The following SGCZ variants were observed in gnomAD, a reference collection of about 807,000 sequenced individuals.
SGCZ encodes sarcoglycan zeta, also known as zeta-sarcoglycan.
Under a neutral mutation model 41.3 loss-of-function variants are expected in SGCZ, and 40 were observed. The observed-to-expected ratio is 0.97, with a 90% CI of 0.75 to 1.26. The LOEUF (loss-of-function observed/expected upper bound fraction) is 1.26, where lower values mean the gene tolerates loss of function less well. Ranked by LOEUF, SGCZ falls within the 50% of genes most tolerant of loss-of-function variation. SGCZ has a pLI of 0.00. For synonymous variants in SGCZ, 206 were observed against 137.5 expected (o/e 1.50, Z -3.49); for missense variants, 552 against 369.8 (o/e 1.49, Z -4.04).
At position 14,964,921 on chromosome 8, in the gene SGCZ, C is replaced by T. The variant is rs562491468; in HGVS notation, c.39+272664G>A. The stretch of plus-strand genomic sequence containing the variant: ...TTTAGCATCTTTTGAACTGACTGAA[C>T]CTGGTGAACCCTAAGGCCACTCAAC... On this transcript the variant is annotated intron_variant, in intron 1 of 7. Coordinates refer to ENST00000382080, the MANE Select transcript of SGCZ (RefSeq NM_139167.4). Among the ~76,000 whole-genome samples, 8 of 152,204 alleles carry T rather than the reference C, an allele frequency of 5.3e-5. No individual in the cohort carries two copies. The East Asian group carries it at 1.4e-3, about 26-fold the overall frequency.
At chr8:15,223,873 T>C (rs1029774754) in intron 1 of SGCZ, among the ~76,000 whole-genome samples, 4 of 151,924 alleles carry the variant, frequency 2.6e-5, no homozygotes, top group African/African-American at 9.7e-5. Flanking sequence ...TATTTATTTA[T>C]TTATTTATTG....
Position 14,582,526 on chromosome 8 carries a change from C to T in SGCZ, c.40-27600G>A, listed in dbSNP as rs192594298. ...TTCTTTAAATTTATTTTATTATTAT[C>T]ATACTTTAAGTTTAGGGTACATGTG... On this transcript the variant is annotated intron_variant, in intron 1 of 7. Transcript: ENST00000382080. Among the ~76,000 whole-genome samples, 1,133 of 151,926 alleles carry T rather than the reference C, an allele frequency of 7.5e-3. 16 individuals are homozygous for T. The highest frequency in any genetic ancestry group is 0.026 in the African/African-American group (1,076 of 41,434).
At chr8:14,317,448 T>A (rs1339566803) in intron 3 of SGCZ, among the ~76,000 whole-genome samples, 2 of 151,964 alleles carry the variant, frequency 1.3e-5, no homozygotes, top group South Asian at 4.1e-4. Flanking sequence ...ATCTGTCAGA[T>A]GAGCCACAGA....
chr8:14,501,997 T>G (rs1208581589), intron 2 of SGCZ, among the ~76,000 whole-genome samples: 1 of 152,114 alleles, frequency 6.6e-6, no homozygotes, highest in African/African-American at 2.4e-5. Context: ...AGGATTAGTT[T>G]GGGTACAACC....
intron 2 of SGCZ, among the ~76,000 whole-genome samples, chr8:14,521,776 T>C (rs1048118902): frequency 6.6e-6 from 1 of 152,096 alleles, no homozygotes; most frequent in Non-Finnish European, 1.5e-5. Flanking sequence ...CAATACTCCA[T>C]GAATGGTCCA....
At chr8:14,426,551 A>T (rs1484709793) in intron 2 of SGCZ, among the ~76,000 whole-genome samples, 1 of 152,166 alleles carries the variant, frequency 6.6e-6, no homozygotes, top group Non-Finnish European at 1.5e-5. Flanking sequence ...GACGACAGAG[A>T]TGAAAGCGAT....
At chr8:15,194,440 C>T (rs192375089) in intron 1 of SGCZ, among the ~76,000 whole-genome samples, 1 of 152,208 alleles carries the variant, frequency 6.6e-6, no homozygotes, top group Admixed American at 6.5e-5. Flanking sequence ...GCCATGATGC[C>T]TATGTCTTAA....
intron 1 of SGCZ, among the ~76,000 whole-genome samples, chr8:14,796,567 A>G (rs1367810256): frequency 1.3e-5 from 2 of 152,184 alleles, no homozygotes; most frequent in Non-Finnish European, 2.9e-5. Context: ...TTATGACTCA[A>G]TGAAGATAAC....
In SGCZ at chr8:15,004,740, A is replaced by G. The variant is rs899298604; in HGVS notation, c.39+232845T>C. On this transcript the variant is annotated intron_variant, in intron 1 of 7. Transcript: ENST00000382080. ...TGAGGATTCCCACCTTCCCGATAAC[A>G]AAAGTATGTATTATAAGGAAGGAAT... is the stretch of plus-strand genomic sequence containing the variant. 5.9e-5 allele frequency among the ~76,000 whole-genome samples: 9 copies of G among 152,166 alleles called. No homozygotes were observed. In the East Asian group the frequency reaches 1.7e-3, roughly 29 times the overall value.
intron 1 of SGCZ, among the ~76,000 whole-genome samples, chr8:15,216,182 A>T (rs1366937355): frequency 6.6e-6 from 1 of 151,960 alleles, no homozygotes; most frequent in Non-Finnish European, 1.5e-5. Flanking sequence ...TTCAAGAAAA[A>T]AGGATGTTTT....
chr8:15,024,330 G>C (rs1803367239), intron 1 of SGCZ, among the ~76,000 whole-genome samples: 1 of 152,060 alleles, frequency 6.6e-6, no homozygotes, highest in African/African-American at 2.4e-5. Flanking sequence ...ATCTCAATTT[G>C]TTTATAGAAG....
At chr8:14,645,079 G>C (rs529862268) in intron 1 of SGCZ, among the ~76,000 whole-genome samples, 36 of 151,504 alleles carry the variant, frequency 2.4e-4, no homozygotes, top group Non-Finnish European at 4.1e-4. Flanking sequence ...TTTTATATTT[G>C]GCAAGCATCC....
At chr8:14,652,913 T>C (rs558044879) in intron 1 of SGCZ, among the ~76,000 whole-genome samples, 44 of 152,060 alleles carry the variant, frequency 2.9e-4, no homozygotes, top group Non-Finnish European at 2.6e-4. Flanking sequence ...TTATTGTAAA[T>C]TGGAAAATAT....
rs567098713 is a variant in SGCZ, at chr8:14,386,952, G to C, written c.235-62748C>G. Among the ~76,000 whole-genome samples, 26 of 152,292 alleles carry C rather than the reference G, an allele frequency of 1.7e-4. 1 individual carries two copies. In the East Asian group the frequency reaches 4.1e-3, roughly 24 times the overall value. On this transcript the variant is annotated intron_variant, in intron 2 of 7. Coordinates refer to ENST00000382080, the MANE Select transcript of SGCZ (RefSeq NM_139167.4). ...TTAATAATAGAATAAAATGGCGAAG[G>C]CTAGAATTTCATAGAATCTAGTTTT...
intron 1 of SGCZ, among the ~76,000 whole-genome samples, chr8:15,187,459 T>C (rs1223296377): frequency 6.6e-6 from 1 of 152,044 alleles, no homozygotes; most frequent in East Asian, 1.9e-4. Flanking sequence ...AGACAAATGG[T>C]TATAATACGA....
At chr8:14,992,758 C>A (rs1202080224) in intron 1 of SGCZ, among the ~76,000 whole-genome samples, 1 of 129,394 alleles carries the variant, frequency 7.7e-6, no homozygotes, top group Non-Finnish European at 1.6e-5. Flanking sequence ...TGATATTTAC[C>A]CCTCCCCCAT....
chr8:15,057,745 C>T (rs1292406888), intron 1 of SGCZ, among the ~76,000 whole-genome samples: 1 of 152,140 alleles, frequency 6.6e-6, no homozygotes, highest in Non-Finnish European at 1.5e-5. Context: ...GCTGTGCTCC[C>T]TGGGCCTCAG....
chr8:15,160,041 T>C (rs1799463961), intron 1 of SGCZ, among the ~76,000 whole-genome samples: 1 of 152,056 alleles, frequency 6.6e-6, no homozygotes, highest in Admixed American at 6.5e-5. Context: ...TCATAGAACA[T>C]AAGCTTTACC....
intron 1 of SGCZ, among the ~76,000 whole-genome samples, chr8:15,163,796 A>G (rs775494605): frequency 2.2e-4 from 33 of 152,236 alleles, no homozygotes; most frequent in Non-Finnish European, 3.1e-4. Context: ...GGTTTAGATA[A>G]ATAGTATACT....
Sources: gnomAD v4.1 joint callset for allele counts (sites outside exome capture counted in the v4.1 genomes callset) on GRCh38, gnomAD v4.1.1 for gene constraint, MANE v1.5 for transcripts, NCBI Gene and HGNC (gene_info 2026-07-23, HGNC 2026-07-21) for gene names.